The following ULK4 variants were observed in gnomAD, a reference collection of about 807,000 sequenced individuals.
ULK4 encodes unc-51 like kinase 4.
Under a neutral mutation model 160.6 loss-of-function variants are expected in ULK4, and 133 were observed. That is an observed-to-expected ratio of 0.83 (90% CI 0.72 to 0.96). The LOEUF (loss-of-function observed/expected upper bound fraction) is 0.96, where lower values mean the gene tolerates loss of function less well. Among genes scored for constraint, ULK4 ranks in the 40% least tolerant of loss-of-function variants. The probability of loss-of-function intolerance (pLI) is 0.00; values close to 1 mark genes in which losing one functional copy is unlikely to be tolerated. For missense variants in ULK4, 1,580 were observed against 1,499.5 expected (o/e 1.05, Z -0.89); for synonymous variants, 534 against 539.8 (o/e 0.99, Z 0.15).
chr3:41,470,318 T>C (rs1051421347), intron 32 of ULK4, among the ~76,000 whole-genome samples: 1 of 152,190 alleles, frequency 6.6e-6, no homozygotes, highest in African/African-American at 2.4e-5. Flanking sequence ...GAGAGTGGGA[T>C]GATTTATTCA....
chr3:41,951,143 TCAAAAAAAAA>T (rs1700281966), intron 2 of ULK4, among the ~76,000 whole-genome samples: 1 of 11,584 alleles, frequency 8.6e-5, no homozygotes, highest in Non-Finnish European at 1.8e-4. Context: ...AGGCTTCGTC[TCAAAAAAAAA>T]AAAAAAAAAA....
chr3:41,759,345 A>G (rs2038911679), intron 21 of ULK4, among the ~76,000 whole-genome samples: 1 of 152,230 alleles, frequency 6.6e-6, no homozygotes, highest in Non-Finnish European at 1.5e-5. Context: ...ATAATGAACA[A>G]TTGGAAAATA....
intron 35 of ULK4, among the ~76,000 whole-genome samples, chr3:41,262,798 G>A (rs1575367388): frequency 2.0e-5 from 3 of 152,130 alleles, no homozygotes; most frequent in Admixed American, 2.0e-4. Context: ...AATTACATCA[G>A]TTTCTGGCCA....
At chr3:41,886,807 C>G (rs187721912) in intron 16 of ULK4, among the ~76,000 whole-genome samples, 2 of 152,278 alleles carry the variant, frequency 1.3e-5, no homozygotes, top group East Asian at 3.9e-4. Flanking sequence ...AACTCCTGAA[C>G]TCGTGATCCA....
At chr3:41,569,831 C>T (rs949703327) in intron 31 of ULK4, among the ~76,000 whole-genome samples, 5 of 152,002 alleles carry the variant, frequency 3.3e-5, no homozygotes, top group Admixed American at 2.6e-4. Flanking sequence ...AACGAATTTC[C>T]CACTTCTCTC....
intron 35 of ULK4, among the ~76,000 whole-genome samples, chr3:41,327,300 C>T (rs2080356974): frequency 1.3e-5 from 2 of 151,448 alleles, no homozygotes; most frequent in South Asian, 4.1e-4. Context: ...ACACCAAATC[C>T]CTGGCCTTTT....
intron 30 of ULK4, among the ~76,000 whole-genome samples, chr3:41,641,415 G>C (rs185745104): frequency 7.3e-4 from 111 of 152,288 alleles, no homozygotes; most frequent in Middle Eastern, 6.8e-3. Context: ...AGCTACACCA[G>C]GCCAGGCACG....
chr3:41,480,031 C>A (rs975258216), intron 32 of ULK4, among the ~76,000 whole-genome samples: 2 of 151,796 alleles, frequency 1.3e-5, no homozygotes, highest in African/African-American at 4.8e-5. Flanking sequence ...CACGATGAAA[C>A]CTTGTCTCTA....
chr3:41,506,769 T>TATATATATATAAATATATAA (rs1559658064), intron 32 of ULK4, among the ~76,000 whole-genome samples: 1 of 31,616 alleles, frequency 3.2e-5, no homozygotes. Context: ...TGATTTAAAA[T>TATATATATATAAATATATAA]ATATATATAT....
At chr3:41,493,438 G>A (rs1375801099) in intron 32 of ULK4, among the ~76,000 whole-genome samples, 1 of 132,860 alleles carries the variant, frequency 7.5e-6, no homozygotes, top group Non-Finnish European at 1.7e-5. Context: ...AGTGTGTAGA[G>A]GGAAATTTAT....
intron 32 of ULK4, among the ~76,000 whole-genome samples, chr3:41,484,492 A>T (rs376693868): frequency 7.8e-6 from 1 of 128,862 alleles, no homozygotes; most frequent in African/African-American, 3.0e-5. Flanking sequence ...TCGCTCTGTC[A>T]CCCAGGCTGG....
At chr3:41,514,358 A>G (rs2085683613) in intron 32 of ULK4, among the ~76,000 whole-genome samples, 1 of 152,196 alleles carries the variant, frequency 6.6e-6, no homozygotes, top group Non-Finnish European at 1.5e-5. Flanking sequence ...AGGTCAAACA[A>G]AAGACCTGGA....
rs367608906 is a variant in ULK4 at position 41,681,760 on chromosome 3, G to A, written c.2826C>T (p.Ser942=). 3.1e-5 allele frequency: 50 copies of A among 1,613,914 alleles called. No individual in the cohort carries two copies. Among genetic ancestry groups the A allele is most frequent in the Non-Finnish European group, 4.2e-5 (50 of 1,179,966 alleles). ...ILPPLVSLVQ[S]QNVEWRLFSL... ...TGGTGTCATCACACTTACCATTTTG[G>A]CTTTGAACCAAGGACACCAAGGGTG... is the stretch of plus-strand genomic sequence containing the variant. The change falls in exon 28 of 37, where the codon AGC becomes AGT. Residue 942 remains serine (S), a synonymous_variant. Coordinates refer to ENST00000301831, the MANE Select transcript of ULK4 (RefSeq NM_017886.4).
chr3:41,507,748 A>C (rs910614421), intron 32 of ULK4, among the ~76,000 whole-genome samples: 9 of 152,276 alleles, frequency 5.9e-5, no homozygotes, highest in Non-Finnish European at 1.5e-5. Flanking sequence ...GTTGAATCCC[A>C]GTATAGTTAT....
intron 1 of ULK4, among the ~76,000 whole-genome samples, chr3:41,958,043 CAAAAA>C (rs60057307): frequency 8.4e-6 from 1 of 118,500 alleles, no homozygotes; most frequent in Admixed American, 8.4e-5. Context: ...GACCCTTTCT[CAAAAA>C]AAAAAAAAAA....
intron 31 of ULK4, among the ~76,000 whole-genome samples, chr3:41,592,031 T>C (rs754823679): frequency 1.8e-4 from 27 of 152,312 alleles, no homozygotes; most frequent in Admixed American, 2.6e-4. Flanking sequence ...GTTCCAGAAC[T>C]ACTGCAGGAA....
intron 2 of ULK4, among the ~76,000 whole-genome samples, chr3:41,953,285 C>CACATATATATATATATATATATAT (rs374288098): frequency 2.3e-5 from 2 of 85,934 alleles, no homozygotes; most frequent in Admixed American, 2.9e-4. Flanking sequence ...CATATATACA[C>CACATATATATATATATATATATAT]ATATATATAT....
At chr3:41,723,057 C>T (rs900447704) in intron 22 of ULK4, among the ~76,000 whole-genome samples, 1 of 152,152 alleles carries the variant, frequency 6.6e-6, no homozygotes, top group Non-Finnish European at 1.5e-5. Flanking sequence ...TACAACCTCA[C>T]CAATACCTAC....
At chr3:41,955,144 G>T (rs1026852086) in intron 1 of ULK4, among the ~76,000 whole-genome samples, 3 of 152,074 alleles carry the variant, frequency 2.0e-5, no homozygotes. Flanking sequence ...ACAAAAATTG[G>T]CCAGGTGTTG....
Sources: allele counts gnomAD v4.1 joint callset (sites outside exome capture counted in the v4.1 genomes callset), GRCh38; gene constraint gnomAD v4.1.1; transcripts MANE v1.5; gene names NCBI Gene and HGNC (gene_info 2026-07-23, HGNC 2026-07-21).